The following KIF18A variants were observed in gnomAD, a reference collection of about 807,000 sequenced individuals.
KIF18A encodes kinesin family member 18A.
A neutral mutation model predicts 103.3 loss-of-function variants in KIF18A; 67 were observed. The observed-to-expected ratio is 0.65, with a 90% CI of 0.53 to 0.79. The LOEUF is 0.79. Ranked by LOEUF, KIF18A falls within the 30% of genes least tolerant of loss-of-function variation. The probability of loss-of-function intolerance (pLI) is 0.00; values close to 1 mark genes in which losing one functional copy is unlikely to be tolerated. For missense variants in KIF18A, 1,032 were observed against 1,062.5 expected (o/e 0.97, Z 0.40); for synonymous variants, 367 against 355.5 (o/e 1.03, Z -0.36).
Position 28,045,968 on chromosome 11 carries a change from G to A in KIF18A, c.1949-9304C>T, listed in dbSNP as rs552846799. On this transcript the variant is annotated intron_variant, in intron 13 of 16. Coordinates refer to ENST00000263181, the MANE Select transcript of KIF18A (RefSeq NM_031217.4). ...ATGCTCATCATCACTGGCCATCAGA[G>A]AAATGCAAATCAAAACCACAATGAG... Among the ~76,000 whole-genome samples, 8 of 151,740 alleles carry A rather than the reference G, an allele frequency of 5.3e-5. No individual in the cohort carries two copies. The East Asian group carries it at 1.4e-3, about 26-fold the overall frequency.
chr11:28,099,241 A>T (rs1219133229), intron 1 of KIF18A, among the ~76,000 whole-genome samples: 1 of 152,192 alleles, frequency 6.6e-6, no homozygotes, highest in East Asian at 1.9e-4. Flanking sequence ...AGGTACAAAA[A>T]GACAAATATC....
At chr11:28,098,802 A>G (rs577557940) in intron 1 of KIF18A, among the ~76,000 whole-genome samples, 2 of 152,118 alleles carry the variant, frequency 1.3e-5, no homozygotes, top group Non-Finnish European at 1.5e-5. Context: ...GGAAGTCTCA[A>G]CTATCCAGAA....
chr11:28,042,419 C>G (rs1243880464), intron 13 of KIF18A, among the ~76,000 whole-genome samples: 2 of 151,910 alleles, frequency 1.3e-5, no homozygotes, highest in African/African-American at 4.8e-5. Context: ...CAGGCATAGA[C>G]ATACTATGTT....
chr11:28,024,501 G>A (rs919534182), intron 15 of KIF18A, among the ~76,000 whole-genome samples: 4 of 151,892 alleles, frequency 2.6e-5, no homozygotes, highest in Admixed American at 6.6e-5. Flanking sequence ...AAGTAAACAA[G>A]GCACAAAAAT....
intron 10 of KIF18A, 66 bp downstream of exon 10, chr11:28,076,941 A>C: frequency 1.2e-6 from 1 of 817,722 alleles, no homozygotes; most frequent in Non-Finnish European, 1.7e-6. Context: ...TTCTGAAAAA[A>C]AAAAAAAAAA....
chr11:28,084,200 T>C lies in KIF18A; in HGVS notation c.1074+432A>G, dbSNP rs1054653482. On this transcript the variant is annotated intron_variant, in intron 7 of 16. Coordinates refer to ENST00000263181, the MANE Select transcript of KIF18A (RefSeq NM_031217.4). ...ATAAGCTTTATACCTATTTTACAGA[T>C]GAAATAATAGGCTTGGAAAGCTTAA... The C allele has an allele frequency of 3.9e-5, 6 of 152,108 alleles. 1 individual carries two copies. The highest frequency in any genetic ancestry group is 2.6e-4 in the Admixed American group (4 of 15,262). 9.4% of individuals were successfully genotyped at this position (152,108 alleles called of 1,614,324 possible).
At chr11:28,027,017 T>G (rs759149542) in intron 15 of KIF18A, among the ~76,000 whole-genome samples, 17 of 151,860 alleles carry the variant, frequency 1.1e-4, no homozygotes, top group Non-Finnish European at 2.1e-4. Context: ...GTCTCTGTTA[T>G]ACTTTGTTTA....
At chr11:28,064,403 T>C (rs1274626370) in intron 11 of KIF18A, among the ~76,000 whole-genome samples, 2 of 151,912 alleles carry the variant, frequency 1.3e-5, no homozygotes, top group Non-Finnish European at 2.9e-5. Context: ...AGTTAGAAAA[T>C]TGGATGATCA....
intron 5 of KIF18A, 109 bp downstream of exon 5, chr11:28,090,508 T>C (rs2133559409): frequency 4.7e-6 from 3 of 638,566 alleles, no homozygotes; most frequent in Non-Finnish European, 8.3e-6. Flanking sequence ...TACTGACAAG[T>C]GAAGTCTACA....
intron 13 of KIF18A, among the ~76,000 whole-genome samples, chr11:28,049,485 ATGTTAT>A (rs1042512911): frequency 6.6e-6 from 1 of 152,048 alleles, no homozygotes; most frequent in Non-Finnish European, 1.5e-5. Flanking sequence ...ATAGAGCTGT[ATGTTAT>A]TGTAAAGGAA....
intron 3 of KIF18A, among the ~76,000 whole-genome samples, chr11:28,093,409 G>T (rs1237523226): frequency 6.6e-6 from 1 of 152,154 alleles, no homozygotes. Flanking sequence ...ATGTTAATAA[G>T]AGAGAAATTT....
At chr11:28,058,359 A>C (rs1850808952) in intron 13 of KIF18A, among the ~76,000 whole-genome samples, 1 of 151,738 alleles carries the variant, frequency 6.6e-6, no homozygotes, top group Non-Finnish European at 1.5e-5. Context: ...TCCATCAAAA[A>C]TAGATAAAAT....
In KIF18A at chr11:28,091,479, T is replaced by C. The variant is rs373415286; in HGVS notation, c.518A>G (p.Asn173Ser). The C allele has an allele frequency of 1.5e-5, 24 of 1,610,698 alleles. No homozygotes were observed. In the African/African-American group the frequency reaches 2.8e-4, roughly 19 times the overall value. The stretch of plus-strand genomic sequence containing the variant: ...TTCCCGGACAGCAAGTGGCCCTGAA[T>C]TTACTAAGAGATCACGAATCTGTTC... Reference protein sequence around the residue: ...YNEQIRDLLVNSGPLAVREDT... With the variant: ...YNEQIRDLLVSSGPLAVREDT... The change falls in exon 4 of 17, where the codon AAT becomes AGT. Residue 173 changes from asparagine (N) to serine (S), a missense_variant. By Grantham distance (46) the Asn-to-Ser change is conservative. Coordinates refer to ENST00000263181, the MANE Select transcript of KIF18A (RefSeq NM_031217.4).
At chr11:28,048,101 A>G (rs1850662377) in intron 13 of KIF18A, among the ~76,000 whole-genome samples, 1 of 152,168 alleles carries the variant, frequency 6.6e-6, no homozygotes, top group African/African-American at 2.4e-5. Context: ...AGAACAAACT[A>G]TAACTAGACA....
At chr11:28,046,490 G>A (rs992764821) in intron 13 of KIF18A, among the ~76,000 whole-genome samples, 1 of 134,360 alleles carries the variant, frequency 7.4e-6, no homozygotes, top group African/African-American at 2.8e-5. Context: ...GGTGGGAATT[G>A]AACAATGAGA....
chr11:28,024,571 A>C (rs984823839), intron 15 of KIF18A, among the ~76,000 whole-genome samples: 14 of 152,146 alleles, frequency 9.2e-5, no homozygotes, highest in African/African-American at 2.9e-4. Context: ...AATAAGATAA[A>C]TACATGAAAT....
chr11:28,080,195 C>CTGG (rs1215513263), intron 9 of KIF18A, among the ~76,000 whole-genome samples: 18 of 152,016 alleles, frequency 1.2e-4, no homozygotes, highest in Admixed American at 1.2e-3. Flanking sequence ...CTATCTTATA[C>CTGG]CTAAGTTCTG....
At chr11:28,080,132 C>T (rs10501095) in intron 9 of KIF18A, among the ~76,000 whole-genome samples, 21,949 of 151,896 alleles carry the variant, frequency 0.14, 1,727 homozygotes, top group South Asian at 0.25. Flanking sequence ...ACAATATGAG[C>T]GCCACTAAAA....
At chr11:28,103,871 T>G (rs1851474358) in intron 1 of KIF18A, among the ~76,000 whole-genome samples, 1 of 152,140 alleles carries the variant, frequency 6.6e-6, no homozygotes, top group African/African-American at 2.4e-5. Flanking sequence ...CAATTTCTTG[T>G]TTAGAAAATT....
Sources: allele counts gnomAD v4.1 joint callset (sites outside exome capture counted in the v4.1 genomes callset), GRCh38; gene constraint gnomAD v4.1.1; transcripts MANE v1.5; gene names NCBI Gene and HGNC (gene_info 2026-07-23, HGNC 2026-07-21).